The following DNA2 variants were observed in gnomAD, a reference collection of about 807,000 sequenced individuals.
The protein encoded by DNA2 is DNA replication helicase/nuclease 2.
A neutral mutation model predicts 119.1 loss-of-function variants in DNA2; 101 were observed. The ratio of observed to expected loss-of-function variants is 0.85; its 90% CI spans 0.72 to 1.00. DNA2 has a LOEUF of 1.00. DNA2 is among the 50% of genes least tolerant of loss of function. The pLI, the probability that DNA2 is intolerant of heterozygous loss-of-function variation, is 0.00. For synonymous variants in DNA2, 366 were observed against 424.4 expected, an observed-to-expected ratio of 0.86 and a Z score of 1.69; for missense variants, 1,121 against 1,255.5, an observed-to-expected ratio of 0.89 and a Z score of 1.62.
intron 5 of DNA2, among the ~76,000 whole-genome samples, chr10:68,455,608 G>A (rs539647231): frequency 5.5e-4 from 84 of 151,776 alleles, no homozygotes; most frequent in Non-Finnish European, 8.0e-4. Flanking sequence ...ATCACTTGAG[G>A]TCAGGAGTTC....
At chr10:68,430,313 TAC>T in intron 14 of DNA2, 121 bp downstream of exon 14, 1 of 688,642 alleles carries the variant, frequency 1.5e-6, no homozygotes, top group Non-Finnish European at 2.4e-6. Context: ...GGTCGTATAG[TAC>T]ATATAAATTA....
chr10:68,420,338 A>G (rs1354246081), intron 17 of DNA2, among the ~76,000 whole-genome samples: 2 of 152,210 alleles, frequency 1.3e-5, no homozygotes, highest in East Asian at 1.9e-4. Flanking sequence ...GGAGTTGGAG[A>G]CCAGCCTGGC....
intron 10 of DNA2, among the ~76,000 whole-genome samples, chr10:68,432,814 G>A (rs1169039456): frequency 6.6e-6 from 1 of 152,152 alleles, no homozygotes; most frequent in East Asian, 1.9e-4. Flanking sequence ...GAGGGATCCT[G>A]AATGCATGGC....
intron 4 of DNA2, among the ~76,000 whole-genome samples, chr10:68,464,314 A>G (rs966147482): frequency 6.6e-6 from 1 of 151,370 alleles, no homozygotes; most frequent in Non-Finnish European, 1.5e-5. Flanking sequence ...GTAGTACAAA[A>G]CCAGCCTGGC....
At chr10:68,472,200 T>C, upstream of DNA2, 1 of 1,247,630 alleles carries the variant, frequency 8.0e-7, no homozygotes. Context: ...GTTCACACCA[T>C]TCTCCTGCTT....
At chr10:68,440,294 T>A (rs188769608) in intron 9 of DNA2, among the ~76,000 whole-genome samples, 349 of 152,124 alleles carry the variant, frequency 2.3e-3, no homozygotes, top group Non-Finnish European at 4.2e-3. Flanking sequence ...CTTTTTTATT[T>A]TTTATTTATT....
At chr10:68,415,275 CTTT>C (rs549702509) in intron 20 of DNA2, among the ~76,000 whole-genome samples, 168 bp from the exon 21 acceptor site, 1 of 138,844 alleles carries the variant, frequency 7.2e-6, no homozygotes, top group Admixed American at 7.3e-5. Flanking sequence ...AGTTATTTAT[CTTT>C]TTTTTTTTTT....
intron 9 of DNA2, among the ~76,000 whole-genome samples, chr10:68,439,161 G>A (rs542477300): frequency 6.6e-6 from 1 of 151,936 alleles, no homozygotes; most frequent in African/African-American, 2.4e-5. Context: ...TTGGGAGGCT[G>A]AGGTGGGCGG....
intron 5 of DNA2, among the ~76,000 whole-genome samples, chr10:68,451,404 G>A (rs2052116092): frequency 6.6e-6 from 1 of 152,062 alleles, no homozygotes; most frequent in Middle Eastern, 3.2e-3. Context: ...AATGTTGAAG[G>A]AACGAGAAGA....
intron 6 of DNA2, among the ~76,000 whole-genome samples, chr10:68,448,519 C>G (rs1445880564): frequency 6.6e-6 from 1 of 152,130 alleles, no homozygotes; most frequent in African/African-American, 2.4e-5. Context: ...TTTTCAATGT[C>G]TTGTCTCGTG....
intron 7 of DNA2, among the ~76,000 whole-genome samples, 166 bp downstream of exon 7, chr10:68,446,130 C>T (rs564875429): frequency 4.6e-5 from 7 of 151,424 alleles, no homozygotes; most frequent in Admixed American, 6.6e-5. Context: ...TCTCAAAAAA[C>T]GAAAACAAAA....
intron 2 of DNA2, among the ~76,000 whole-genome samples, chr10:68,469,045 G>A (rs989936704): frequency 1.3e-5 from 2 of 152,156 alleles, no homozygotes; most frequent in African/African-American, 4.8e-5. Flanking sequence ...GCAAGACTCC[G>A]TCTCCAAAAA....
chr10:68,468,380 A>G (rs2052350943), intron 2 of DNA2, 74 bp from the exon 3 acceptor site: 1 of 975,428 alleles, frequency 1.0e-6, no homozygotes. Flanking sequence ...GGGAGGCTTC[A>G]AAAAAATAAA....
chr10:68,437,084 T>C lies in DNA2; in HGVS notation c.1573A>G (p.Arg525Gly). The change falls in exon 10 of 21, where the codon AGG (arginine) becomes GGG (glycine). Residue 525 changes from arginine (R) to glycine (G), a missense_variant. Coordinates refer to ENST00000358410, the MANE Select transcript of DNA2 (RefSeq NM_001080449.3). ...CCTCTAGACAAAGCAAACAGTGACCTTTCTTCTCCACTTACAATAACTCTG... is the reference window on the plus strand; with the variant it reads ...CCTCTAGACAAAGCAAACAGTGACCCTTCTTCTCCACTTACAATAACTCTG... ...GDRVIVSGEE[R>G]SLFALSRGYV... 6.2e-7 allele frequency: 1 copy of C among 1,613,984 alleles called. No individual in the cohort carries two copies. Among genetic ancestry groups the C allele is most frequent in the Non-Finnish European group, 8.5e-7 (1 of 1,179,884 alleles).
Position 68,450,249 on chromosome 10 carries a change from T to TG in DNA2, c.720-3dup. The TG allele has an allele frequency of 6.6e-7, 1 of 1,524,832 alleles. No individual in the cohort carries two copies. Among genetic ancestry groups the TG allele is most frequent in the Non-Finnish European group, 8.9e-7 (1 of 1,129,770 alleles). 94.5% of individuals were successfully genotyped at this position (1,524,832 alleles called of 1,614,324 possible). A position where few individuals can be genotyped will look rare whatever the true frequency, so the allele number is the denominator to read the frequency against. On this transcript the variant is annotated splice_polypyrimidine_tract_variant and splice_region_variant and intron_variant, in intron 5 of 20. Transcript: ENST00000358410. ...TTATCCTTACTATTATCACTTGGCC[T>TG]GAAAAAAAAAAAAGCACAAAAACAC...
intron 1 of DNA2, among the ~76,000 whole-genome samples, chr10:68,471,436 A>T: frequency 6.6e-6 from 1 of 152,216 alleles, no homozygotes; most frequent in Middle Eastern, 3.2e-3. Context: ...GGGTGCAGAG[A>T]TCCCCCAAGG....
intron 4 of DNA2, among the ~76,000 whole-genome samples, chr10:68,463,727 T>C (rs74371032): frequency 0.024 from 3,678 of 151,332 alleles, 138 homozygotes; most frequent in African/African-American, 0.085. Flanking sequence ...GGGAGCACCA[T>C]AATAACACAT....
At chr10:68,462,824 T>C (rs1231807803) in intron 4 of DNA2, among the ~76,000 whole-genome samples, 1 of 152,188 alleles carries the variant, frequency 6.6e-6, no homozygotes, top group Non-Finnish European at 1.5e-5. Flanking sequence ...ACTTAGCTGA[T>C]GGTAAGCCCT....
intron 5 of DNA2, among the ~76,000 whole-genome samples, chr10:68,450,745 A>G (rs1052483824): frequency 4.6e-5 from 7 of 152,212 alleles, no homozygotes; most frequent in Non-Finnish European, 8.8e-5. Context: ...TATTACGCAA[A>G]TTAGTATGTA....
Sources: gnomAD v4.1 joint callset for allele counts (sites outside exome capture counted in the v4.1 genomes callset) on GRCh38, gnomAD v4.1.1 for gene constraint, MANE v1.5 for transcripts, NCBI Gene and HGNC (gene_info 2026-07-23, HGNC 2026-07-21) for gene names.